Variants in PARVA observed in about 807,000 individuals in gnomAD.
PARVA encodes parvin alpha, also known as alpha-parvin.
In PARVA, 25 loss-of-function variants were observed where a neutral mutation model predicts 52.6. The observed-to-expected ratio is 0.48, with a 90% CI of 0.35 to 0.66. The LOEUF is 0.66. PARVA is among the 30% of genes least tolerant of loss of function. The pLI, the probability that PARVA is intolerant of heterozygous loss-of-function variation, is 0.01. For missense variants in PARVA, 373 were observed against 450.9 expected, an observed-to-expected ratio of 0.83 and a Z score of 1.56; for synonymous variants, 185 against 179.1, an observed-to-expected ratio of 1.03 and a Z score of -0.26.
At chr11:12,440,917 G>A (rs1358911798) in intron 1 of PARVA, among the ~76,000 whole-genome samples, 1 of 152,090 alleles carries the variant, frequency 6.6e-6, no homozygotes, top group Non-Finnish European at 1.5e-5. Flanking sequence ...TCTCCTTTAG[G>A]GTAACTCAAA....
Position 12,532,174 on chromosome 11 carries a change from T to C in PARVA, c.*4249T>C, listed in dbSNP as rs1360524862. 1.3e-5 allele frequency among the ~76,000 whole-genome samples: 2 copies of C among 152,126 alleles called. No individual in the cohort carries two copies. The highest frequency in any genetic ancestry group is 6.5e-5 in the Admixed American group (1 of 15,270). ...TGCCCCCAAACCAAGCCTGATGACC[T>C]TGAGAACCTCAGGCTTCCCAGTAGG... is the stretch of plus-strand genomic sequence containing the variant. On this transcript the variant is annotated 3_prime_UTR_variant, in exon 13 of 13. Coordinates refer to ENST00000334956, the MANE Select transcript of PARVA (RefSeq NM_018222.5).
At chr11:12,384,343 T>C (rs143149147) in intron 1 of PARVA, among the ~76,000 whole-genome samples, 4 of 152,340 alleles carry the variant, frequency 2.6e-5, no homozygotes, top group Non-Finnish European at 5.9e-5. Flanking sequence ...ATTTCCATTC[T>C]TTCAGCAACT....
chr11:12,496,154 T>A (rs1941295307), intron 4 of PARVA, among the ~76,000 whole-genome samples: 1 of 152,082 alleles, frequency 6.6e-6, no homozygotes, highest in African/African-American at 2.4e-5. Flanking sequence ...GAAGATAGAA[T>A]TGAAAAGAAG....
intron 3 of PARVA, chr11:12,477,244 A>C (rs552577120): frequency 6.6e-6 from 1 of 152,140 alleles, no homozygotes; most frequent in Non-Finnish European, 1.5e-5. Context: ...ACAGGCACCT[A>C]TCACCACGCC....
At chr11:12,413,971 C>T (rs1349192331) in intron 1 of PARVA, among the ~76,000 whole-genome samples, 4 of 152,198 alleles carry the variant, frequency 2.6e-5, no homozygotes, top group African/African-American at 7.2e-5. Context: ...GCCTAAGTCC[C>T]TCTCAAAGCT....
intron 1 of PARVA, among the ~76,000 whole-genome samples, chr11:12,472,272 A>G (rs1359043047): frequency 6.6e-6 from 1 of 152,200 alleles, no homozygotes; most frequent in Admixed American, 6.5e-5. Context: ...AAGTTTATGA[A>G]TTTGTGTTGG....
intron 1 of PARVA, among the ~76,000 whole-genome samples, chr11:12,443,990 C>G (rs1940508283): frequency 6.6e-6 from 1 of 152,192 alleles, no homozygotes; most frequent in African/African-American, 2.4e-5. Flanking sequence ...CTTTGTAGTA[C>G]TGAACCTGGC....
At chr11:12,449,516 C>A (rs1404462909) in intron 1 of PARVA, among the ~76,000 whole-genome samples, 1 of 152,172 alleles carries the variant, frequency 6.6e-6, no homozygotes, top group Non-Finnish European at 1.5e-5. Flanking sequence ...TCTAAGGAAC[C>A]TTCCCTGTTT....
In PARVA at chr11:12,530,437, T is replaced by A. The variant is rs1404555683; in HGVS notation, c.*2512T>A. On this transcript the variant is annotated 3_prime_UTR_variant, in exon 13 of 13. Transcript: ENST00000334956. Reference sequence around the variant, plus strand: ...GAGAATCAACACTTCATAGGCTCACTGGGTTTTCTTTTCTTTTCTGTTAAT... The same window carrying A: ...GAGAATCAACACTTCATAGGCTCACAGGGTTTTCTTTTCTTTTCTGTTAAT... 4.6e-5 allele frequency: 7 copies of A among 152,240 alleles called. No individual in the cohort carries two copies. Among genetic ancestry groups the A allele is most frequent in the Non-Finnish European group, 8.8e-5 (6 of 68,036 alleles). 9.4% of individuals were successfully genotyped at this position (152,240 alleles called of 1,614,324 possible). A position where few individuals can be genotyped will look rare whatever the true frequency, so the allele number is the denominator to read the frequency against.
At chr11:12,502,439 C>G (rs1265151168) in intron 5 of PARVA, among the ~76,000 whole-genome samples, 4 of 151,886 alleles carry the variant, frequency 2.6e-5, no homozygotes, top group African/African-American at 9.7e-5. Flanking sequence ...CTTAAATGCC[C>G]CCTGTAATGA....
intron 1 of PARVA, among the ~76,000 whole-genome samples, chr11:12,427,569 ATCT>A (rs1279543325): frequency 6.6e-6 from 1 of 152,210 alleles, no homozygotes; most frequent in Non-Finnish European, 1.5e-5. Flanking sequence ...TGTGGGCTTA[ATCT>A]TCTTTAGAAA....
upstream of PARVA, chr11:12,377,371 G>T: frequency 7.5e-7 from 1 of 1,338,626 alleles, no homozygotes; most frequent in Non-Finnish European, 9.5e-7. Context: ...CTCCTGTCCT[G>T]CAAGGGGCAG....
intron 4 of PARVA, among the ~76,000 whole-genome samples, chr11:12,487,512 A>G (rs1426139333): frequency 1.3e-5 from 2 of 148,782 alleles, no homozygotes; most frequent in African/African-American, 2.4e-5. Flanking sequence ...TACACCAGCT[A>G]GATATCAAGT....
chr11:12,412,072 C>G (rs899288309), intron 1 of PARVA, among the ~76,000 whole-genome samples: 8 of 152,062 alleles, frequency 5.3e-5, no homozygotes, highest in African/African-American at 1.5e-4. Flanking sequence ...CTCCCTGATG[C>G]AATTCCCACT....
At chr11:12,496,423 A>G in intron 4 of PARVA, 35 bp from the exon 5 acceptor site, 6 of 1,592,840 alleles carry the variant, frequency 3.8e-6, no homozygotes, top group South Asian at 1.1e-5. Flanking sequence ...GGGGCCCAGC[A>G]TAACAGCTGT....
At chr11:12,376,691 A>C, upstream of PARVA, 1 of 978,542 alleles carries the variant, frequency 1.0e-6, no homozygotes, top group South Asian at 4.7e-5. Context: ...TGTGTGTGAG[A>C]GACAGACAGA....
In PARVA at chr11:12,477,891, C is replaced by A. The variant is rs372729452; in HGVS notation, c.342C>A (p.Ile114=). Residue 114 remains isoleucine, a synonymous_variant, in exon 4 of 13, where the codon ATC becomes ATA. Transcript: ENST00000334956. ...ATGATGTGTTGGTTGGAGAAAGAATCATTGTGAAAGACCTAGCTGAAGATT... is the reference window on the plus strand; with the variant it reads ...ATGATGTGTTGGTTGGAGAAAGAATAATTGTGAAAGACCTAGCTGAAGATT... ...WINDVLVGER[I]IVKDLAEDLY... 5.0e-6 allele frequency: 8 copies of A among 1,610,690 alleles called. No homozygotes were observed. The highest frequency in any genetic ancestry group is 4.5e-5 in the East Asian group (2 of 44,882).
rs781164311 is a variant in PARVA, at chr11:12,532,318, C to T, written c.*4393C>T. Reference sequence around the variant, plus strand: ...ACATGAGGTGAAGAAAGTTAGCTTACTGACGCTTTTTGTTTTCTAGTTGGA... The same window carrying T: ...ACATGAGGTGAAGAAAGTTAGCTTATTGACGCTTTTTGTTTTCTAGTTGGA... On this transcript the variant is annotated 3_prime_UTR_variant, in exon 13 of 13. Transcript: ENST00000334956. Among the ~76,000 whole-genome samples the T allele has an allele frequency of 1.1e-4, 17 of 152,212 alleles. No individual in the cohort carries two copies. The highest frequency in any genetic ancestry group is 2.4e-4 in the Non-Finnish European group (16 of 68,034).
At chr11:12,413,765 G>C (rs115107882) in intron 1 of PARVA, among the ~76,000 whole-genome samples, 4 of 152,212 alleles carry the variant, frequency 2.6e-5, no homozygotes, top group African/African-American at 7.2e-5. Flanking sequence ...ATTTCCCAAG[G>C]TGGGGATTCT....
Sources: allele counts gnomAD v4.1 joint callset (sites outside exome capture counted in the v4.1 genomes callset), GRCh38; gene constraint gnomAD v4.1.1; transcripts MANE v1.5; gene names NCBI Gene and HGNC (gene_info 2026-07-23, HGNC 2026-07-21).